ANK3: variants seen among roughly 807,000 people sequenced by gnomAD.
The protein encoded by ANK3 is ankyrin-3.
Under a neutral mutation model 370.9 loss-of-function variants are expected in ANK3, and 57 were observed. That is an observed-to-expected ratio of 0.15 (90% CI 0.12 to 0.19). The LOEUF is 0.19. ANK3 is among the 10% of genes least tolerant of loss of function. The pLI is 1.00. For synonymous variants in ANK3, 1,929 were observed against 1,946.3 expected, an observed-to-expected ratio of 0.99 and a Z score of 0.23; for missense variants, 4,439 against 5,302.1, an observed-to-expected ratio of 0.84 and a Z score of 5.06.
intron 7 of ANK3, among the ~76,000 whole-genome samples, chr10:60,240,281 C>CACAT (rs1555185825): frequency 4.5e-5 from 4 of 88,350 alleles, no homozygotes; most frequent in South Asian, 3.5e-4. Flanking sequence ...TACACACACA[C>CACAT]ATATATATAT....
chr10:60,492,724 AGAAAGAAAG>A (rs2075548147), intron 2 of ANK3, among the ~76,000 whole-genome samples: 16 of 126,410 alleles, frequency 1.3e-4, no homozygotes, highest in African/African-American at 4.1e-4. Context: ...AAAAAAAAAA[AGAAAGAAAG>A]AAAGAAAAAA....
chr10:60,535,516 C>G (rs1327650233), intron 2 of ANK3, among the ~76,000 whole-genome samples: 1 of 151,986 alleles, frequency 6.6e-6, no homozygotes, highest in African/African-American at 2.4e-5. Context: ...AATATTCAGG[C>G]AGCCTAATGT....
intron 1 of ANK3, among the ~76,000 whole-genome samples, chr10:60,645,626 G>A (rs1468697668): frequency 6.6e-6 from 1 of 152,112 alleles, no homozygotes; most frequent in African/African-American, 2.4e-5. Flanking sequence ...TACGGAGGCT[G>A]AGGCAAGAGA....
At chr10:60,642,333 G>C in intron 1 of ANK3, among the ~76,000 whole-genome samples, 1 of 151,266 alleles carries the variant, frequency 6.6e-6, no homozygotes. Flanking sequence ...ACATGCACAC[G>C]TATGTTTATT....
Position 60,693,758 on chromosome 10 carries a change from A to T in ANK3, c.57+39505T>A, listed in dbSNP as rs1564567717. ...ACCAAAAACCCATCTGTACATCACC[A>T]TCATCAAAGACCAAAAGTAGATAAA... On this transcript the variant is annotated intron_variant, in intron 1 of 43. Coordinates refer to the ANK3 transcript ENST00000373827. 3.3e-5 allele frequency among the ~76,000 whole-genome samples: 5 copies of T among 152,214 alleles called. No homozygotes were observed. In the South Asian group the frequency reaches 1.0e-3, roughly 32 times the overall value.
intron 2 of ANK3, among the ~76,000 whole-genome samples, chr10:60,530,805 G>C (rs2076588971): frequency 6.6e-6 from 1 of 152,106 alleles, no homozygotes; most frequent in African/African-American, 2.4e-5. Flanking sequence ...ATGCTGTTTT[G>C]TGTGGTGGAT....
chr10:60,187,914 C>G (rs1240724912), intron 16 of ANK3, among the ~76,000 whole-genome samples: 2 of 152,156 alleles, frequency 1.3e-5, no homozygotes, highest in East Asian at 3.9e-4. Context: ...GCTCAAGGGT[C>G]ACACCCTCCA....
chr10:60,059,417 C>G lies in ANK3; in HGVS notation c.12609G>C (p.Glu4203Asp), dbSNP rs1208275755. The change falls in exon 41 of 44, where the codon GAG becomes GAC. Residue 4203 changes from glutamate to aspartate, a missense_variant. By Grantham distance (45) the Glu-to-Asp change is conservative. Around this residue, in one of 13 missense-constraint regions of ANK3, gnomAD observed 242 missense variants for 228.0 expected, o/e 1.06. Transcript: ENST00000280772. Reference protein sequence around the residue: ...FHDPVDGWQNETSSGNLESCA... With the variant: ...FHDPVDGWQNDTSSGNLESCA... ...AGGACTCTAGGTTTCCACTTGATGT[C>G]TCATTCTGCCAACCTGTAATTGAAG... 1 of 1,613,942 alleles carries G rather than the reference C, an allele frequency of 6.2e-7. No homozygotes were observed. Among genetic ancestry groups the G allele is most frequent in the African/African-American group, 1.3e-5 (1 of 74,934 alleles).
At chr10:60,381,451 G>T (rs1391700399) in intron 1 of ANK3, among the ~76,000 whole-genome samples, 1 of 152,160 alleles carries the variant, frequency 6.6e-6, no homozygotes, top group Non-Finnish European at 1.5e-5. Context: ...TTAATTCCCT[G>T]AGGGCTGTGG....
intron 1 of ANK3, among the ~76,000 whole-genome samples, chr10:60,386,321 T>C (rs568846626): frequency 2.0e-5 from 3 of 152,112 alleles, no homozygotes; most frequent in Admixed American, 6.6e-5. Flanking sequence ...TGTAAGTGCA[T>C]TGATAAGCAC....
At chr10:60,438,912 C>A (rs1042481063) in intron 2 of ANK3, among the ~76,000 whole-genome samples, 4 of 152,198 alleles carry the variant, frequency 2.6e-5, no homozygotes, top group African/African-American at 7.2e-5. Flanking sequence ...TTGGCCATTT[C>A]ACAGAATGAA....
chr10:60,456,982 G>T (rs982874336), intron 2 of ANK3, among the ~76,000 whole-genome samples: 3 of 152,144 alleles, frequency 2.0e-5, no homozygotes, highest in Middle Eastern at 3.2e-3. Flanking sequence ...ATCAACTATA[G>T]TTGGGACTTT....
intron 1 of ANK3, among the ~76,000 whole-genome samples, chr10:60,369,783 T>C (rs1414959908): frequency 6.6e-6 from 1 of 152,202 alleles, no homozygotes; most frequent in Non-Finnish European, 1.5e-5. Context: ...AGATAAACTC[T>C]TATCACGTTA....
chr10:60,415,920 C>A lies in ANK3; in HGVS notation c.97-136281G>T, dbSNP rs1382171318. Among the ~76,000 whole-genome samples the A allele has an allele frequency of 3.6e-5, 4 of 109,638 alleles. 1 individual carries two copies. Among genetic ancestry groups the A allele is most frequent in the African/African-American group, 1.4e-4 (4 of 28,178 alleles). The allele number at this position is 109,638 out of a possible 152,430, so 71.9% of individuals were successfully genotyped here. Reference sequence around the variant, plus strand: ...CATTGTATGGTCTGAATTTGTGCCCCCCACCCCCCCGCCATTCATGTGTTG... The same window carrying A: ...CATTGTATGGTCTGAATTTGTGCCCACCACCCCCCCGCCATTCATGTGTTG... On this transcript the variant is annotated intron_variant, in intron 2 of 43. Coordinates refer to the ANK3 transcript ENST00000373827.
chr10:60,713,125 G>A (rs1323284723), intron 1 of ANK3, among the ~76,000 whole-genome samples: 1 of 152,128 alleles, frequency 6.6e-6, no homozygotes, highest in African/African-American at 2.4e-5. Context: ...GATATTCATG[G>A]AGTACTTCAT....
At chr10:60,727,125 A>AC (rs1213538238) in intron 1 of ANK3, among the ~76,000 whole-genome samples, 4 of 152,150 alleles carry the variant, frequency 2.6e-5, no homozygotes, top group Admixed American at 6.5e-5. Flanking sequence ...GCACTTACAT[A>AC]CCCCCGCCCC....
intron 2 of ANK3, among the ~76,000 whole-genome samples, chr10:60,597,552 G>T (rs2078005091): frequency 6.6e-6 from 1 of 152,124 alleles, no homozygotes; most frequent in Non-Finnish European, 1.5e-5. Flanking sequence ...CAGAATGAGT[G>T]CTGTCATTTC....
At chr10:60,676,759 A>G (rs2079130825) in intron 1 of ANK3, among the ~76,000 whole-genome samples, 1 of 152,214 alleles carries the variant, frequency 6.6e-6, no homozygotes, top group South Asian at 2.1e-4. Flanking sequence ...TGGGGTAAGG[A>G]GAATGAAGAG....
chr10:60,330,474 C>T (rs947790360), intron 1 of ANK3, among the ~76,000 whole-genome samples: 4 of 152,126 alleles, frequency 2.6e-5, no homozygotes, highest in Admixed American at 6.5e-5. Flanking sequence ...TATGAACAGA[C>T]ACTTCTCAAA....
Sources: allele counts gnomAD v4.1 joint callset (sites outside exome capture counted in the v4.1 genomes callset), GRCh38; gene constraint gnomAD v4.1.1; regional missense constraint gnomAD v4.1.1; transcripts MANE v1.5; gene names NCBI Gene and HGNC (gene_info 2026-07-23, HGNC 2026-07-21).